DNAJC13: variants seen among roughly 807,000 people sequenced by gnomAD.
The protein encoded by DNAJC13 is dnaJ homolog subfamily C member 13.
Under a neutral mutation model 290.5 loss-of-function variants are expected in DNAJC13, and 75 were observed. That is an observed-to-expected ratio of 0.26 (90% CI 0.21 to 0.31). The LOEUF (loss-of-function observed/expected upper bound fraction) is 0.31, where lower values mean the gene tolerates loss of function less well. DNAJC13 is among the 10% of genes least tolerant of loss of function. The pLI is 1.00. For missense variants in DNAJC13, 2,260 were observed against 2,674.5 expected, an observed-to-expected ratio of 0.85 and a Z score of 3.42; for synonymous variants, 862 against 892.0, an observed-to-expected ratio of 0.97 and a Z score of 0.60.
At chr3:132,507,164 T>G (rs943932674) in intron 42 of DNAJC13, 73 bp from the exon 43 acceptor site, 1 of 969,484 alleles carries the variant, frequency 1.0e-6, no homozygotes, top group Admixed American at 2.1e-5. Context: ...CTCAAGTTAT[T>G]TATCTGTTAA....
chr3:132,524,956 T>C (rs1936206768), intron 51 of DNAJC13, among the ~76,000 whole-genome samples: 1 of 152,224 alleles, frequency 6.6e-6, no homozygotes, highest in South Asian at 2.1e-4. Context: ...TCACTAGTTC[T>C]GCATTCTTCT....
intron 44 of DNAJC13, among the ~76,000 whole-genome samples, 159 bp from the exon 45 acceptor site, chr3:132,512,849 T>G (rs1935818405): frequency 6.6e-6 from 1 of 152,220 alleles, no homozygotes; most frequent in Non-Finnish European, 1.5e-5. Flanking sequence ...TAAGACTTAT[T>G]GTTCCTTAGA....
At chr3:132,533,332 T>TC (rs1936482880) in intron 55 of DNAJC13, among the ~76,000 whole-genome samples, 1 of 111,788 alleles carries the variant, frequency 8.9e-6, no homozygotes, top group Non-Finnish European at 1.7e-5. Flanking sequence ...ATGCCCGCCC[T>TC]CTTTTTTTTT....
At chr3:132,453,042 A>G (rs1172665033) in intron 6 of DNAJC13, among the ~76,000 whole-genome samples, 1 of 152,242 alleles carries the variant, frequency 6.6e-6, no homozygotes, top group Non-Finnish European at 1.5e-5. Context: ...GTTTTGCACA[A>G]GGTGATGAGA....
chr3:132,460,452 T>C, intron 14 of DNAJC13, 95 bp downstream of exon 14: 2 of 775,678 alleles, frequency 2.6e-6, no homozygotes, highest in East Asian at 2.7e-5. Flanking sequence ...TTTTTTTTTA[T>C]TGTAGCCCCC....
chr3:132,441,431 A>G (rs1211697191), intron 2 of DNAJC13, among the ~76,000 whole-genome samples: 1 of 152,218 alleles, frequency 6.6e-6, no homozygotes, highest in Admixed American at 6.5e-5. Context: ...GCTGTGTGTT[A>G]TGAGATCTAG....
intron 29 of DNAJC13, among the ~76,000 whole-genome samples, chr3:132,486,949 TG>T (rs749013982): frequency 6.6e-6 from 1 of 152,030 alleles, no homozygotes; most frequent in Non-Finnish European, 1.5e-5. Context: ...TGAAATACGG[TG>T]GGTAGTTGGG....
intron 39 of DNAJC13, 37 bp from the exon 40 acceptor site, chr3:132,502,252 T>A: frequency 7.0e-7 from 1 of 1,422,006 alleles, no homozygotes; most frequent in Non-Finnish European, 9.4e-7. Flanking sequence ...TTTTTTTAAC[T>A]CTGTAACAAC....
intron 2 of DNAJC13, among the ~76,000 whole-genome samples, chr3:132,444,171 A>G (rs1189066279): frequency 6.6e-6 from 1 of 152,128 alleles, no homozygotes; most frequent in Non-Finnish European, 1.5e-5. Flanking sequence ...CCTTATGAGA[A>G]TCTAACTCAT....
intron 39 of DNAJC13, among the ~76,000 whole-genome samples, 192 bp downstream of exon 39, chr3:132,501,105 A>G (rs1487423793): frequency 2.0e-5 from 3 of 152,228 alleles, no homozygotes; most frequent in African/African-American, 7.2e-5. Flanking sequence ...GCCTACAAAG[A>G]AAAAGACTAA....
At chr3:132,428,902 T>C (rs1576454410) in intron 1 of DNAJC13, among the ~76,000 whole-genome samples, 1 of 138,484 alleles carries the variant, frequency 7.2e-6, no homozygotes. Flanking sequence ...GCCTGGCTAA[T>C]TTTTGTATTT....
Position 132,448,002 on chromosome 3 carries a change from T to C in DNAJC13, c.336+63T>C, listed in dbSNP as rs1933306932. The C allele has an allele frequency of 2.4e-5, 28 of 1,172,456 alleles. 1 individual carries two copies. The South Asian group carries it at 3.7e-4, about 16-fold the overall frequency. 72.6% of individuals were successfully genotyped at this position (1,172,456 alleles called of 1,614,324 possible). ...CAAATGTTGCCCTTTATTGTAGAAA[T>C]CATTTCATAATCTGTGTGTTCCATT... On this transcript the variant is annotated intron_variant, in intron 5 of 55. Coordinates refer to ENST00000260818, the MANE Select transcript of DNAJC13 (RefSeq NM_015268.4).
chr3:132,516,530 T>A, intron 47 of DNAJC13, 34 bp downstream of exon 47: 1 of 1,600,628 alleles, frequency 6.2e-7, no homozygotes, highest in African/African-American at 1.3e-5. Flanking sequence ...GCTAGTCATG[T>A]GCAATATAAT....
Position 132,488,470 on chromosome 3 carries a change from A to C in DNAJC13, c.3422+18A>C, listed in dbSNP as rs185498805. 6.3e-7 allele frequency: 1 copy of C among 1,591,008 alleles called. No individual in the cohort carries two copies. On this transcript the variant is annotated intron_variant, in intron 30 of 55. Coordinates refer to ENST00000260818, the MANE Select transcript of DNAJC13 (RefSeq NM_015268.4). ...GTTGCTCGGTAAGAACTTTAAGGGT[A>C]ATCTATTTAAAAGTATTATTTGAAT...
At chr3:132,507,214 C>T in intron 42 of DNAJC13, 23 bp from the exon 43 acceptor site, 1 of 1,407,138 alleles carries the variant, frequency 7.1e-7, no homozygotes, top group South Asian at 1.2e-5. Context: ...ATCTAACAGT[C>T]TATTTTTTCA....
At position 132,532,593 on chromosome 3, in the gene DNAJC13, G is replaced by A. The variant is rs193220758; in HGVS notation, c.6625+1496G>A. 2.6e-3 allele frequency among the ~76,000 whole-genome samples: 391 copies of A among 152,030 alleles called. 5 individuals are homozygous for A. Among genetic ancestry groups the A allele is most frequent in the African/African-American group, 8.6e-3 (358 of 41,472 alleles). ...TTGGTGTTAAAATTATAGCTTCTAA[G>A]TAGGAGTTTGTTCTTATAGGCAGTA... On this transcript the variant is annotated intron_variant, in intron 55 of 55. Coordinates refer to ENST00000260818, the MANE Select transcript of DNAJC13 (RefSeq NM_015268.4).
chr3:132,432,044 T>C lies in DNAJC13; in HGVS notation c.-13-2494T>C, dbSNP rs1389638328. 3.3e-5 allele frequency among the ~76,000 whole-genome samples: 5 copies of C among 152,204 alleles called. No individual in the cohort carries two copies. In the East Asian group the frequency reaches 9.6e-4, roughly 29 times the overall value. On this transcript the variant is annotated intron_variant, in intron 1 of 55. Coordinates refer to ENST00000260818, the MANE Select transcript of DNAJC13 (RefSeq NM_015268.4). The stretch of plus-strand genomic sequence containing the variant: ...TGTCTCAAGCCGTTATAAAAATTTT[T>C]TTTCTGAAAAGTTTTTTCTAATTAT...
chr3:132,498,904 G>A (rs1935321609), intron 36 of DNAJC13, among the ~76,000 whole-genome samples: 2 of 151,922 alleles, frequency 1.3e-5, no homozygotes, highest in Admixed American at 6.6e-5. Context: ...TTTTAGTAGA[G>A]AAAGGGTTTC....
intron 37 of DNAJC13, 65 bp downstream of exon 37, chr3:132,499,375 G>A: frequency 7.6e-7 from 1 of 1,323,416 alleles, no homozygotes; most frequent in South Asian, 1.6e-5. Context: ...TCTTGGCAGT[G>A]AAGAATTCAG....
Sources: gnomAD v4.1 joint callset for allele counts (sites outside exome capture counted in the v4.1 genomes callset) on GRCh38, gnomAD v4.1.1 for gene constraint, MANE v1.5 for transcripts, NCBI Gene and HGNC (gene_info 2026-07-23, HGNC 2026-07-21) for gene names.